NFIX: variants seen among roughly 807,000 people sequenced by gnomAD.
NFIX encodes nuclear factor 1 X-type.
NFIX carries 2 observed loss-of-function variants against 53.3 expected under a neutral mutation model. The ratio of observed to expected loss-of-function variants is 0.04; its 90% CI spans 0.02 to 0.12. NFIX has a LOEUF of 0.12. Ranked by LOEUF, NFIX falls within the 10% of genes least tolerant of loss-of-function variation. The pLI is 1.00. For synonymous variants in NFIX, 244 were observed against 289.0 expected (o/e 0.84, Z 1.58); for missense variants, 310 against 674.5 (o/e 0.46, Z 5.99).
At chr19:13,057,045 T>C (rs1031135537) in intron 2 of NFIX, among the ~76,000 whole-genome samples, 5 of 152,182 alleles carry the variant, frequency 3.3e-5, no homozygotes, top group African/African-American at 1.2e-4. Context: ...AGGAGGGCTA[T>C]GAGGGGAGGG....
intron 8 of NFIX, among the ~76,000 whole-genome samples, chr19:13,083,627 A>G (rs1291614173): frequency 1.3e-5 from 2 of 152,178 alleles, no homozygotes; most frequent in Admixed American, 6.5e-5. Context: ...CAAGCAGACC[A>G]TGGACAAAAC....
At position 13,097,734 on chromosome 19, in the gene NFIX, G is replaced by A. The variant is rs1468757798; in HGVS notation, c.*3085G>A. The A allele has an allele frequency of 7.1e-6, 1 of 141,746 alleles. No homozygotes were observed. The highest frequency in any genetic ancestry group is 1.5e-5 in the Non-Finnish European group (1 of 65,522). The allele number at this position is 141,746 out of a possible 1,614,324, so 8.8% of individuals were successfully genotyped here. A position where few individuals can be genotyped will look rare whatever the true frequency, so the allele number is the denominator to read the frequency against. ...CCCTCCCTCCCTCTCCGCCCCGAGC[G>A]CCCTTCTTTGAGCCAGACGCCAACT... On this transcript the variant is annotated 3_prime_UTR_variant, in exon 11 of 11. Transcript: ENST00000592199.
Position 13,072,119 on chromosome 19 carries a change from C to A in NFIX, c.560-928C>A, listed in dbSNP as rs2016811806. Among the ~76,000 whole-genome samples the A allele has an allele frequency of 1.3e-5, 2 of 152,248 alleles. No homozygotes were observed. Among genetic ancestry groups the A allele is most frequent in the Non-Finnish European group, 2.9e-5 (2 of 68,042 alleles). ...TGCCTGGCTTCCTCCTGCCCCACAA[C>A]CTGCCTGGCCCCCCTCCACCACCCT... On this transcript the variant is annotated intron_variant, in intron 2 of 10. Transcript: ENST00000592199. This position sits in a 1 kb window ranked among gnomAD's most constrained non-coding sequence, Gnocchi z 4.0.
Position 13,067,376 on chromosome 19 carries a change from CCT to C in NFIX, c.560-5666_560-5665del, listed in dbSNP as rs1333084085. ...GGTTCCTGCAGAGTTGAAGGGGATT[CCT>C]CTCTGGTGGCTCCAGATGTACCATC... On this transcript the variant is annotated intron_variant, in intron 2 of 10. Transcript: ENST00000592199. This position sits in a 1 kb window ranked among gnomAD's most constrained non-coding sequence, Gnocchi z 4.2. 1.3e-5 allele frequency among the ~76,000 whole-genome samples: 2 copies of C among 152,280 alleles called. No homozygotes were observed. The highest frequency in any genetic ancestry group is 3.9e-4 in the East Asian group (2 of 5,178).
In NFIX at chr19:13,025,283, G is replaced by A. The variant is rs1184358413; in HGVS notation, c.290G>A (p.Gly97Asp). 1.9e-6 allele frequency: 3 copies of A among 1,613,962 alleles called. No homozygotes were observed. Among genetic ancestry groups the A allele is most frequent in the Non-Finnish European group, 2.5e-6 (3 of 1,179,936 alleles). The change falls in exon 2 of 11, where the codon GGC becomes GAC. Residue 97 changes from glycine to aspartate, a missense_variant. By Grantham distance (94) the Gly-to-Asp change is moderately conservative (BLOSUM62 -1). Coordinates refer to ENST00000592199, the MANE Select transcript of NFIX (RefSeq NM_001365902.3). The surrounding 1 kb of genome is among the most constrained non-coding windows in gnomAD (Gnocchi z 7.5). ...GAGGACTTCGTGCTGACCATCACGG[G>A]CAAGAAGCCCCCCTGCTGCGTGCTC... is the stretch of plus-strand genomic sequence containing the variant. ...FREDFVLTIT[G>D]KKPPCCVLSN...
intron 1 of NFIX, among the ~76,000 whole-genome samples, chr19:13,020,434 A>G (rs907058021): frequency 1.3e-5 from 2 of 152,188 alleles, no homozygotes; most frequent in African/African-American, 4.8e-5. Context: ...AAATAGAGAA[A>G]GAGACCTTCT....
chr19:13,077,190 C>A (rs574391030), intron 6 of NFIX, among the ~76,000 whole-genome samples: 1 of 152,098 alleles, frequency 6.6e-6, no homozygotes, highest in Non-Finnish European at 1.5e-5. Context: ...CTCCTGGGCT[C>A]CTGTGCCCAG....
At position 13,045,843 on chromosome 19, in the gene NFIX, G is replaced by A. The variant is rs945577948; in HGVS notation, c.559+20291G>A. Reference sequence around the variant, plus strand: ...CCCACCTCTCCATGTCCTCGTTGCCGACTGAGGCACCTGGGAGTGAGGGGC... The same window carrying A: ...CCCACCTCTCCATGTCCTCGTTGCCAACTGAGGCACCTGGGAGTGAGGGGC... On this transcript the variant is annotated intron_variant, in intron 2 of 10. Coordinates refer to ENST00000592199, the MANE Select transcript of NFIX (RefSeq NM_001365902.3). This position sits in a 1 kb window ranked among gnomAD's most constrained non-coding sequence, Gnocchi z 4.4. Among the ~76,000 whole-genome samples the A allele has an allele frequency of 1.3e-5, 2 of 152,206 alleles. No homozygotes were observed. Among genetic ancestry groups the A allele is most frequent in the African/African-American group, 4.8e-5 (2 of 41,442 alleles).
At position 13,001,081 on chromosome 19, in the gene NFIX, C is replaced by T. The variant is rs2011667575; in HGVS notation, c.27+5217C>T. Among the ~76,000 whole-genome samples the T allele has an allele frequency of 6.6e-6, 1 of 152,126 alleles. No individual in the cohort carries two copies. The highest frequency in any genetic ancestry group is 2.1e-4 in the South Asian group (1 of 4,820). On this transcript the variant is annotated intron_variant, in intron 1 of 10. Transcript: ENST00000592199. This position sits in a 1 kb window ranked among gnomAD's most constrained non-coding sequence, Gnocchi z 6.5. Reference sequence around the variant, plus strand: ...CGGTGCTGAGAATGGGCCTTCTGTCCCCTCCCTCCCAGCTGGGGTGGGGAA... The same window carrying T: ...CGGTGCTGAGAATGGGCCTTCTGTCTCCTCCCTCCCAGCTGGGGTGGGGAA...
At chr19:13,015,734 C>T (rs1035838743) in intron 1 of NFIX, among the ~76,000 whole-genome samples, 1 of 152,092 alleles carries the variant, frequency 6.6e-6, no homozygotes, top group Non-Finnish European at 1.5e-5. Context: ...CTGCTAAACC[C>T]GCTGCACAGT....
At chr19:13,055,470 C>A (rs8103173) in intron 2 of NFIX, among the ~76,000 whole-genome samples, 1 of 152,196 alleles carries the variant, frequency 6.6e-6, no homozygotes, top group African/African-American at 2.4e-5. Context: ...GCCTCTGGTG[C>A]GAGGGCCGGC....
chr19:13,071,375 A>G (rs1366078331), intron 2 of NFIX: 1 of 152,202 alleles, frequency 6.6e-6, no homozygotes, highest in Non-Finnish European at 1.5e-5. Flanking sequence ...GAAAGTTCAC[A>G]TTCACACCAT....
rs2015976651 is a variant in NFIX at position 13,060,072 on chromosome 19, GCCAC to G, written c.560-12973_560-12970del. ...CAAAGTGCTGAGATTACAGGCATGA[GCCAC>G]CGCACCCGGCCAAGAGGAACGCTTT... On this transcript the variant is annotated intron_variant, in intron 2 of 10. Coordinates refer to ENST00000592199, the MANE Select transcript of NFIX (RefSeq NM_001365902.3). The surrounding 1 kb of genome is among the most constrained non-coding windows in gnomAD (Gnocchi z 4.3). 1.3e-5 allele frequency among the ~76,000 whole-genome samples: 2 copies of G among 152,316 alleles called. No individual in the cohort carries two copies. Among genetic ancestry groups the G allele is most frequent in the African/African-American group, 4.8e-5 (2 of 41,580 alleles).
Position 13,049,964 on chromosome 19 carries a change from A to G in NFIX, c.560-23083A>G, listed in dbSNP as rs917286184. Among the ~76,000 whole-genome samples the G allele has an allele frequency of 5.3e-5, 8 of 152,192 alleles. No individual in the cohort carries two copies. Among genetic ancestry groups the G allele is most frequent in the African/African-American group, 1.9e-4 (8 of 41,440 alleles). ...ATTTTGTTTATCCATTCATACATTGATGGATATTTGGGCTCTTTCCACTTT... is the reference window on the plus strand; with the variant it reads ...ATTTTGTTTATCCATTCATACATTGGTGGATATTTGGGCTCTTTCCACTTT... On this transcript the variant is annotated intron_variant, in intron 2 of 10. Transcript: ENST00000592199. The surrounding 1 kb of genome is among the most constrained non-coding windows in gnomAD (Gnocchi z 4.5).
rs1009633743 is a variant in NFIX at position 13,052,356 on chromosome 19, G to T, written c.560-20691G>T. ...CACACTGCTGGCCATCTAGGCTGGGGGTAGAGCCCAGATGGGAGCCCACCT... is the reference window on the plus strand; with the variant it reads ...CACACTGCTGGCCATCTAGGCTGGGTGTAGAGCCCAGATGGGAGCCCACCT... On this transcript the variant is annotated intron_variant, in intron 2 of 10. Transcript: ENST00000592199. The surrounding 1 kb of genome is among the most constrained non-coding windows in gnomAD (Gnocchi z 5.2). Among the ~76,000 whole-genome samples, 1 of 152,156 alleles carries T rather than the reference G, an allele frequency of 6.6e-6. No homozygotes were observed. The highest frequency in any genetic ancestry group is 2.1e-4 in the South Asian group (1 of 4,830).
Position 13,066,507 on chromosome 19 carries a change from C to T in NFIX, c.560-6540C>T, listed in dbSNP as rs2016412274. ...CTTCCCCCATCTCCAGCAGGTCAGT[C>T]AAGTCAAAGGCAGAAGCCCCTTTGG... On this transcript the variant is annotated intron_variant, in intron 2 of 10. Transcript: ENST00000592199. This position sits in a 1 kb window ranked among gnomAD's most constrained non-coding sequence, Gnocchi z 4.2. Among the ~76,000 whole-genome samples, 1 of 152,144 alleles carries T rather than the reference C, an allele frequency of 6.6e-6. No homozygotes were observed. The highest frequency in any genetic ancestry group is 6.5e-5 in the Admixed American group (1 of 15,280).
rs1021995700 is a variant in NFIX, at chr19:13,052,785, C to T, written c.560-20262C>T. Among the ~76,000 whole-genome samples, 4 of 152,198 alleles carry T rather than the reference C, an allele frequency of 2.6e-5. No homozygotes were observed. Among genetic ancestry groups the T allele is most frequent in the African/African-American group, 9.7e-5 (4 of 41,434 alleles). On this transcript the variant is annotated intron_variant, in intron 2 of 10. Transcript: ENST00000592199. This position sits in a 1 kb window ranked among gnomAD's most constrained non-coding sequence, Gnocchi z 5.2. ...CCGTGAGGTTGGCACCCCCTGCACC[C>T]GTCCACACACACAGACCAGAGGAGT...
chr19:13,008,537 C>G (rs1399691555), intron 1 of NFIX, among the ~76,000 whole-genome samples: 1 of 152,236 alleles, frequency 6.6e-6, no homozygotes, highest in Non-Finnish European at 1.5e-5. Flanking sequence ...ATCTTCCCGT[C>G]TCTGTGATTT....
Position 13,073,529 on chromosome 19 carries a change from G to T in NFIX, c.697+33G>T, listed in dbSNP as rs749909523. On this transcript the variant is annotated intron_variant, in intron 4 of 10. Coordinates refer to ENST00000592199, the MANE Select transcript of NFIX (RefSeq NM_001365902.3). The surrounding 1 kb of genome is among the most constrained non-coding windows in gnomAD (Gnocchi z 4.5). ...AGTCCTTCCTTCCAGGCCAGGGATGGGGATTGAAAGTGAGGAGGTGGGACC... is the reference window on the plus strand; with the variant it reads ...AGTCCTTCCTTCCAGGCCAGGGATGTGGATTGAAAGTGAGGAGGTGGGACC... 1 of 1,592,292 alleles carries T rather than the reference G, an allele frequency of 6.3e-7. No homozygotes were observed. Among genetic ancestry groups the T allele is most frequent in the Admixed American group, 1.7e-5 (1 of 60,000 alleles).
Sources: allele counts gnomAD v4.1 joint callset (sites outside exome capture counted in the v4.1 genomes callset), GRCh38; gene constraint gnomAD v4.1.1; non-coding constraint Gnocchi (gnomAD v3.1); transcripts MANE v1.5; gene names NCBI Gene and HGNC (gene_info 2026-07-23, HGNC 2026-07-21).